KCNH1: variants seen among roughly 807,000 people sequenced by gnomAD.
The protein encoded by KCNH1 is potassium voltage-gated channel subfamily H member 1.
KCNH1 carries 27 observed loss-of-function variants against 69.2 expected under a neutral mutation model. The ratio of observed to expected loss-of-function variants is 0.39; its 90% CI spans 0.29 to 0.54. The LOEUF is 0.54. KCNH1 is among the 20% of genes least tolerant of loss of function. KCNH1 has a pLI of 0.68. For missense variants in KCNH1, 798 were observed against 1,261.6 expected, an observed-to-expected ratio of 0.63 and a Z score of 5.57; for synonymous variants, 456 against 487.7, an observed-to-expected ratio of 0.93 and a Z score of 0.86.
chr1:210,852,008 A>G lies in KCNH1; in HGVS notation c.1463-47842T>C, dbSNP rs1397555313. On this transcript the variant is annotated intron_variant, in intron 7 of 10. Coordinates refer to ENST00000271751, the MANE Select transcript of KCNH1 (RefSeq NM_172362.3). ...GCCCCCACACAGTTTAAAGACTAAC[A>G]GAAGAGAAAGAGAGTAAATAAGGAA... Among the ~76,000 whole-genome samples, 6 of 152,260 alleles carry G rather than the reference A, an allele frequency of 3.9e-5. No homozygotes were observed. The East Asian group carries it at 9.6e-4, about 24-fold the overall frequency.
intron 1 of KCNH1, among the ~76,000 whole-genome samples, chr1:211,111,977 G>A: frequency 7.0e-6 from 1 of 141,986 alleles, no homozygotes; most frequent in Non-Finnish European, 1.5e-5. Flanking sequence ...TGTCTGGGAA[G>A]TGAGGAGCAC....
At chr1:211,104,394 AT>A (rs1194298537) in intron 2 of KCNH1, among the ~76,000 whole-genome samples, 3 of 152,062 alleles carry the variant, frequency 2.0e-5, no homozygotes, top group Admixed American at 2.0e-4. Flanking sequence ...AAAAAAATTC[AT>A]TTATTTAAAT....
intron 6 of KCNH1, among the ~76,000 whole-genome samples, chr1:211,001,671 T>A (rs540365324): frequency 1.3e-5 from 2 of 152,084 alleles, no homozygotes. Context: ...TAGGTATATA[T>A]CCAAAGGATT....
intron 7 of KCNH1, among the ~76,000 whole-genome samples, chr1:210,820,188 C>CA (rs1684900907): frequency 6.6e-6 from 1 of 152,176 alleles, no homozygotes; most frequent in African/African-American, 2.4e-5. Flanking sequence ...TAAACATCAG[C>CA]ATTTTATTAA....
chr1:210,849,659 C>T (rs1685640549), intron 7 of KCNH1, among the ~76,000 whole-genome samples: 1 of 151,990 alleles, frequency 6.6e-6, no homozygotes, highest in African/African-American at 2.4e-5. Context: ...AGCCACTGTG[C>T]CCAGCTGCCA....
chr1:210,907,556 A>T (rs1253012767), intron 7 of KCNH1, among the ~76,000 whole-genome samples: 1 of 151,432 alleles, frequency 6.6e-6, no homozygotes, highest in Non-Finnish European at 1.5e-5. Context: ...GCTGAATGGA[A>T]AAAGCATTCT....
chr1:210,856,899 A>ATATATATATATATAT (rs57245090), intron 7 of KCNH1, among the ~76,000 whole-genome samples: 7 of 121,722 alleles, frequency 5.8e-5, no homozygotes, highest in South Asian at 5.8e-4. Context: ...ATATATATAT[A>ATATATATATATATAT]AAATACTCAT....
At chr1:210,725,751 G>A (rs1008535684) in intron 10 of KCNH1, among the ~76,000 whole-genome samples, 4 of 152,068 alleles carry the variant, frequency 2.6e-5, no homozygotes, top group African/African-American at 7.2e-5. Context: ...CCAGTCCCCC[G>A]TGCTGAGCCA....
intron 7 of KCNH1, among the ~76,000 whole-genome samples, chr1:210,812,661 C>A (rs950141704): frequency 1.3e-5 from 2 of 152,154 alleles, no homozygotes; most frequent in African/African-American, 4.8e-5. Flanking sequence ...ATGCAGGGTG[C>A]AGGAGGGAGT....
Position 210,681,824 on chromosome 1 carries a change from G to T in KCNH1, c.*1457C>A, listed in dbSNP as rs962739313. ...TCTAACCTTGCGTGTCAGTATTTGG[G>T]GTCCTGACACCTCTCTCTAGGGCAT... On this transcript the variant is annotated 3_prime_UTR_variant, in exon 11 of 11. Transcript: ENST00000271751. The T allele has an allele frequency of 6.6e-6, 1 of 152,156 alleles. No individual in the cohort carries two copies. The highest frequency in any genetic ancestry group is 1.5e-5 in the Non-Finnish European group (1 of 68,060). 9.4% of individuals were successfully genotyped at this position (152,156 alleles called of 1,614,324 possible).
intron 6 of KCNH1, among the ~76,000 whole-genome samples, chr1:210,964,473 C>A (rs1008880856): frequency 3.9e-5 from 6 of 152,112 alleles, no homozygotes; most frequent in Admixed American, 6.6e-5. Context: ...ACTATAAACA[C>A]CTCTATGCAA....
At chr1:210,858,029 A>C (rs1294831191) in intron 7 of KCNH1, 1 of 152,182 alleles carries the variant, frequency 6.6e-6, no homozygotes, top group African/African-American at 2.4e-5. Flanking sequence ...TACTCTTTCT[A>C]GGTATAGGAT....
chr1:210,723,226 T>G (rs1402539483), intron 10 of KCNH1, among the ~76,000 whole-genome samples: 1 of 152,170 alleles, frequency 6.6e-6, no homozygotes, highest in Non-Finnish European at 1.5e-5. Flanking sequence ...TACCTTACAT[T>G]TTTTAACTTA....
At chr1:211,002,365 T>C (rs1297845211) in intron 6 of KCNH1, among the ~76,000 whole-genome samples, 13 of 147,378 alleles carry the variant, frequency 8.8e-5, no homozygotes, top group Admixed American at 2.0e-4. Flanking sequence ...CACACACACA[T>C]ATATATATAC....
intron 10 of KCNH1, among the ~76,000 whole-genome samples, chr1:210,731,809 G>T (rs1240466555): frequency 6.6e-6 from 1 of 152,192 alleles, no homozygotes; most frequent in African/African-American, 2.4e-5. Context: ...CACTGAGCAA[G>T]TGAGAGAATC....
intron 1 of KCNH1, among the ~76,000 whole-genome samples, chr1:211,109,026 C>T (rs753379757): frequency 6.6e-6 from 1 of 152,132 alleles, no homozygotes; most frequent in East Asian, 1.9e-4. Flanking sequence ...TAAAGGGCTG[C>T]GTCTCAGAGG....
intron 6 of KCNH1, among the ~76,000 whole-genome samples, chr1:210,986,546 T>C (rs568872807): frequency 1.2e-4 from 19 of 152,292 alleles, no homozygotes; most frequent in Admixed American, 2.6e-4. Context: ...CTTATGAAGC[T>C]TAGTTTGGCT....
chr1:210,848,610 T>C (rs1574294030), intron 7 of KCNH1, among the ~76,000 whole-genome samples: 1 of 152,240 alleles, frequency 6.6e-6, no homozygotes, highest in African/African-American at 2.4e-5. Flanking sequence ...CCATCTTCTC[T>C]GTCCCATCTT....
chr1:210,827,600 C>A (rs1275152808), intron 7 of KCNH1, among the ~76,000 whole-genome samples: 1 of 152,078 alleles, frequency 6.6e-6, no homozygotes, highest in Non-Finnish European at 1.5e-5. Flanking sequence ...GCCTTCATGC[C>A]ACTGAAATAG....
Sources: allele counts gnomAD v4.1 joint callset (sites outside exome capture counted in the v4.1 genomes callset), GRCh38; gene constraint gnomAD v4.1.1; transcripts MANE v1.5; gene names NCBI Gene and HGNC (gene_info 2026-07-23, HGNC 2026-07-21).